SH3GL3: variants seen among roughly 807,000 people sequenced by gnomAD.
The protein encoded by SH3GL3 is SH3 domain containing GRB2 like 3, endophilin A3, also known as endophilin-A3.
Under a neutral mutation model 47.7 loss-of-function variants are expected in SH3GL3, and 33 were observed. The observed-to-expected ratio is 0.69, with a 90% confidence interval of 0.52 to 0.92. SH3GL3 has a LOEUF of 0.92. SH3GL3 is among the 40% of genes least tolerant of loss of function. The pLI is 0.00. For missense variants in SH3GL3, 363 were observed against 417.8 expected (o/e 0.87, Z 1.14); for synonymous variants, 155 against 148.8 (o/e 1.04, Z -0.30).
rs756259938 is a variant in SH3GL3 at position 83,594,510 on chromosome 15, T to G, written c.838+5739T>G. 1.2e-4 allele frequency among the ~76,000 whole-genome samples: 18 copies of G among 152,212 alleles called. 1 individual carries two copies. Among genetic ancestry groups the G allele is most frequent in the Non-Finnish European group, 2.9e-5 (2 of 68,040 alleles). ...ATTTATATTAGCTAAAGTCCACACT[T>G]CATTCACATTTCCTTAGTTTTTACC... On this transcript the variant is annotated intron_variant, in intron 8 of 8. Transcript: ENST00000427482.
intron 1 of SH3GL3, among the ~76,000 whole-genome samples, chr15:83,529,782 G>A (rs1399406355): frequency 2.6e-5 from 4 of 152,108 alleles, no homozygotes; most frequent in African/African-American, 9.7e-5. Flanking sequence ...CAGGCTCTTG[G>A]GAGTGTACAC....
chr15:83,528,781 AT>A (rs1199134764), intron 1 of SH3GL3, among the ~76,000 whole-genome samples: 2 of 151,110 alleles, frequency 1.3e-5, no homozygotes, highest in Non-Finnish European at 3.0e-5. Context: ...CATTATTTTG[AT>A]TTTTTTCTGA....
At chr15:83,517,050 G>T (rs529480463) in intron 1 of SH3GL3, among the ~76,000 whole-genome samples, 20 of 151,722 alleles carry the variant, frequency 1.3e-4, no homozygotes, top group African/African-American at 4.1e-4. Context: ...TCAGTTTTTG[G>T]CTATTACAAA....
intron 8 of SH3GL3, among the ~76,000 whole-genome samples, chr15:83,602,028 A>G (rs549912645): frequency 2.3e-4 from 35 of 152,182 alleles, no homozygotes; most frequent in Admixed American, 1.0e-3. Context: ...CAGGGAGAAT[A>G]TTCCAAGAAG....
intron 1 of SH3GL3, among the ~76,000 whole-genome samples, chr15:83,514,264 C>T (rs2042889937): frequency 6.6e-6 from 1 of 152,190 alleles, no homozygotes; most frequent in African/African-American, 2.4e-5. Flanking sequence ...AAAACTTTTC[C>T]CACTGGCAAT....
intron 2 of SH3GL3, among the ~76,000 whole-genome samples, chr15:83,561,019 C>T (rs1053288645): frequency 1.3e-5 from 2 of 151,972 alleles, no homozygotes; most frequent in Non-Finnish European, 2.9e-5. Context: ...AATACATAGA[C>T]AGTTGATAAA....
At chr15:83,578,483 G>A (rs1567006891) in intron 6 of SH3GL3, among the ~76,000 whole-genome samples, 1 of 152,154 alleles carries the variant, frequency 6.6e-6, no homozygotes, top group Non-Finnish European at 1.5e-5. Context: ...AAGTCAAAAT[G>A]CATTGAGCAC....
chr15:83,553,752 A>C (rs1407914003), intron 1 of SH3GL3, among the ~76,000 whole-genome samples: 1 of 151,570 alleles, frequency 6.6e-6, no homozygotes, highest in Non-Finnish European at 1.5e-5. Flanking sequence ...TCCACTCAAC[A>C]CCCTTCCCCA....
intron 2 of SH3GL3, among the ~76,000 whole-genome samples, 188 bp downstream of exon 2, chr15:83,559,509 G>A (rs2045144359): frequency 6.6e-6 from 1 of 152,312 alleles, no homozygotes; most frequent in Admixed American, 6.5e-5. Context: ...GTAGCCACAT[G>A]CAGTTTGGGC....
chr15:83,551,191 T>C (rs2044651292), intron 1 of SH3GL3, among the ~76,000 whole-genome samples: 3 of 152,336 alleles, frequency 2.0e-5, no homozygotes, highest in African/African-American at 4.8e-5. Context: ...TTTCCTGTTA[T>C]TGACAAAATT....
chr15:83,599,479 A>G (rs1232392207), intron 8 of SH3GL3, among the ~76,000 whole-genome samples: 1 of 152,248 alleles, frequency 6.6e-6, no homozygotes. Flanking sequence ...TTCTTCACTT[A>G]GAATAATAGT....
chr15:83,555,135 G>A (rs1012242356), intron 1 of SH3GL3, among the ~76,000 whole-genome samples: 2 of 151,824 alleles, frequency 1.3e-5, no homozygotes, highest in Admixed American at 6.6e-5. Flanking sequence ...TCCTGATTGC[G>A]CCCAGGCTGG....
intron 1 of SH3GL3, among the ~76,000 whole-genome samples, chr15:83,553,104 A>G (rs1030879330): frequency 1.3e-5 from 2 of 152,048 alleles, no homozygotes; most frequent in Non-Finnish European, 2.9e-5. Flanking sequence ...CCATCTCTAC[A>G]AAAATACAAA....
intron 8 of SH3GL3, among the ~76,000 whole-genome samples, chr15:83,603,708 A>T (rs1369613115): frequency 2.6e-5 from 4 of 152,202 alleles, no homozygotes; most frequent in Admixed American, 6.5e-5. Flanking sequence ...CTTGCTACAC[A>T]CACCAAGGTT....
intron 8 of SH3GL3, among the ~76,000 whole-genome samples, chr15:83,602,366 C>T (rs751350261): frequency 1.3e-5 from 2 of 152,174 alleles, no homozygotes; most frequent in Admixed American, 6.5e-5. Flanking sequence ...CTTTTACTTA[C>T]AGTCTGGAGG....
intron 2 of SH3GL3, among the ~76,000 whole-genome samples, chr15:83,559,768 GGTTCTGCCTGTAGAA>G (rs1282175886): frequency 2.0e-5 from 3 of 152,088 alleles, no homozygotes; most frequent in Non-Finnish European, 4.4e-5. Flanking sequence ...CTTTTATCCT[GGTTCTGCCTGTAGAA>G]CCAGAGTGTG....
intron 1 of SH3GL3, among the ~76,000 whole-genome samples, chr15:83,553,193 C>A (rs2044756193): frequency 6.6e-6 from 1 of 152,144 alleles, no homozygotes; most frequent in South Asian, 2.1e-4. Flanking sequence ...GCCTGGGCAA[C>A]AAAGCGAGAC....
chr15:83,543,379 G>A (rs1019341087), intron 1 of SH3GL3, among the ~76,000 whole-genome samples: 2 of 151,960 alleles, frequency 1.3e-5, no homozygotes, highest in Non-Finnish European at 2.9e-5. Flanking sequence ...ATTCAGTTTG[G>A]TAGTAGTTTG....
At chr15:83,466,429 TG>T (rs1357242664) in intron 1 of SH3GL3, among the ~76,000 whole-genome samples, 1 of 151,666 alleles carries the variant, frequency 6.6e-6, no homozygotes, top group Non-Finnish European at 1.5e-5. Flanking sequence ...TATATATATA[TG>T]GGGAAAGGCA....
Sources: allele counts gnomAD v4.1 joint callset (sites outside exome capture counted in the v4.1 genomes callset), GRCh38; gene constraint gnomAD v4.1.1; transcripts MANE v1.5; gene names NCBI Gene and HGNC (gene_info 2026-07-23, HGNC 2026-07-21).